Variants in ATG4B observed in about 807,000 individuals in gnomAD.
ATG4B encodes autophagy related 4B cysteine peptidase.
In ATG4B, 29 loss-of-function variants were observed where a neutral mutation model predicts 56.6. The observed-to-expected ratio is 0.51, with a 90% CI of 0.38 to 0.70. The LOEUF (loss-of-function observed/expected upper bound fraction) is 0.70, where lower values mean the gene tolerates loss of function less well. Among genes scored for constraint, ATG4B ranks in the 30% least tolerant of loss-of-function variants. The pLI is 0.00. For synonymous variants in ATG4B, 224 were observed against 206.1 expected, an observed-to-expected ratio of 1.09 and a Z score of -0.74; for missense variants, 461 against 515.5, an observed-to-expected ratio of 0.89 and a Z score of 1.02.
rs1439433195 is a variant in ATG4B at position 241,672,856 on chromosome 2, T to A, written c.*592T>A. 1 of 160,954 alleles carries A rather than the reference T, an allele frequency of 6.2e-6. No individual in the cohort carries two copies. Among genetic ancestry groups the A allele is most frequent in the African/African-American group, 2.4e-5 (1 of 41,548 alleles). 10.0% of individuals were successfully genotyped at this position (160,954 alleles called of 1,614,324 possible). A position where few individuals can be genotyped will look rare whatever the true frequency, so the allele number is the denominator to read the frequency against. ...AACGAAGGCGAGGTTCCTCCTTGCT[T>A]TGGGGAGAAAAGTATTCAGGAAGTG... is the stretch of plus-strand genomic sequence containing the variant. On this transcript the variant is annotated 3_prime_UTR_variant, in exon 13 of 13. Transcript: ENST00000404914.
Position 241,668,435 on chromosome 2 carries a change from G to T in ATG4B, c.812-105G>T. ...GCTCCCTCCCCACCTCCTGCCCACT[G>T]CTTCTCAGTGTGATGTGGGTGCAGT... On this transcript the variant is annotated intron_variant, in intron 9 of 12. Coordinates refer to ENST00000404914, the MANE Select transcript of ATG4B (RefSeq NM_013325.5). The surrounding 1 kb of genome is among the most constrained non-coding windows in gnomAD (Gnocchi z 4.2). 2.0e-6 allele frequency: 3 copies of T among 1,493,260 alleles called. No homozygotes were observed. Among genetic ancestry groups the T allele is most frequent in the Non-Finnish European group, 2.7e-6 (3 of 1,103,306 alleles). 92.5% of individuals were successfully genotyped at this position (1,493,260 alleles called of 1,614,324 possible).
chr2:241,656,857 G>A (rs1329851747), intron 6 of ATG4B, among the ~76,000 whole-genome samples: 1 of 152,286 alleles, frequency 6.6e-6, no homozygotes, highest in Non-Finnish European at 1.5e-5. Flanking sequence ...TCTGTCGCCA[G>A]GCTGGAGTGT....
At position 241,668,328 on chromosome 2, in the gene ATG4B, G is replaced by A. The variant is rs1177982999; in HGVS notation, c.811+107G>A. The A allele has an allele frequency of 3.7e-5, 52 of 1,416,740 alleles. No individual in the cohort carries two copies. Among genetic ancestry groups the A allele is most frequent in the Non-Finnish European group, 4.8e-5 (49 of 1,027,282 alleles). 87.8% of individuals were successfully genotyped at this position (1,416,740 alleles called of 1,614,324 possible). ...ACCACTTGAGGCCACTGGTGGAAAA[G>A]CAGCATGCCCTGGGGTTCATTTTCA... On this transcript the variant is annotated intron_variant, in intron 9 of 12. Transcript: ENST00000404914. The surrounding 1 kb of genome is among the most constrained non-coding windows in gnomAD (Gnocchi z 4.2).
At chr2:241,653,174 T>C (rs375015438) in intron 3 of ATG4B, 180 of 607,940 alleles carry the variant, frequency 3.0e-4, no homozygotes, top group African/African-American at 2.9e-3. Flanking sequence ...GCCTTTCTGA[T>C]AATTGGAAAA....
chr2:241,659,548 A>G (rs1211755065), intron 7 of ATG4B: 3 of 360,164 alleles, frequency 8.3e-6, no homozygotes, highest in South Asian at 4.2e-5. Context: ...AGATGTAGCA[A>G]CCATCTCTAG....
chr2:241,655,367 G>A (rs1471974893), intron 6 of ATG4B, 24 bp downstream of exon 6: 1 of 1,594,176 alleles, frequency 6.3e-7, no homozygotes, highest in East Asian at 2.3e-5. Flanking sequence ...TTCCACTGCT[G>A]AGCATGGGGC....
chr2:241,647,912 G>A (rs1372445996), intron 1 of ATG4B, among the ~76,000 whole-genome samples: 2 of 151,892 alleles, frequency 1.3e-5, no homozygotes, highest in Non-Finnish European at 2.9e-5. Context: ...TCAGGAGATC[G>A]AGACCAGCCT....
At position 241,637,705 on chromosome 2, in the gene ATG4B, G is replaced by A. The variant is rs1459520063; in HGVS notation, c.-10G>A. On this transcript the variant is annotated 5_prime_UTR_variant, in exon 1 of 13. Coordinates refer to ENST00000404914, the MANE Select transcript of ATG4B (RefSeq NM_013325.5). ...CGCCGCTCGGGTCAGTCGGCGGCCGGACTGGGAAGATGGACGCAGGTGAGG... is the reference window on the plus strand; with the variant it reads ...CGCCGCTCGGGTCAGTCGGCGGCCGAACTGGGAAGATGGACGCAGGTGAGG... The A allele has an allele frequency of 6.3e-7, 1 of 1,583,886 alleles. No individual in the cohort carries two copies. The highest frequency in any genetic ancestry group is 1.4e-5 in the African/African-American group (1 of 71,050).
At position 241,673,537 on chromosome 2, in the gene ATG4B, C is replaced by T; in HGVS notation, c.*1273C>T. 2.2e-6 allele frequency: 1 copy of T among 452,892 alleles called. No homozygotes were observed. The highest frequency in any genetic ancestry group is 2.4e-5 in the Admixed American group (1 of 42,518). 28.1% of individuals were successfully genotyped at this position (452,892 alleles called of 1,614,324 possible). A position where few individuals can be genotyped will look rare whatever the true frequency, so the allele number is the denominator to read the frequency against. ...GCGCCGGACAGTCGGCACTGACCGGCCCACCTGGTAGCAGAGGACACCCCC... is the reference window on the plus strand; with the variant it reads ...GCGCCGGACAGTCGGCACTGACCGGTCCACCTGGTAGCAGAGGACACCCCC... On this transcript the variant is annotated 3_prime_UTR_variant, in exon 13 of 13. Coordinates refer to ENST00000404914, the MANE Select transcript of ATG4B (RefSeq NM_013325.5).
At chr2:241,672,107 A>T (rs1326577155) in intron 12 of ATG4B, 84 bp from the exon 13 acceptor site, 78 of 1,531,414 alleles carry the variant, frequency 5.1e-5, no homozygotes, top group Non-Finnish European at 6.8e-5. Context: ...GGCACTGCTC[A>T]GTCTGCCCCA....
intron 1 of ATG4B, among the ~76,000 whole-genome samples, chr2:241,649,020 G>A (rs1199562696): frequency 6.6e-6 from 1 of 152,172 alleles, no homozygotes; most frequent in Non-Finnish European, 1.5e-5. Context: ...TCATTGAAAC[G>A]TCACACCCAT....
intron 1 of ATG4B, among the ~76,000 whole-genome samples, chr2:241,648,622 G>T (rs948455588): frequency 6.6e-5 from 10 of 151,494 alleles, no homozygotes; most frequent in African/African-American, 2.4e-4. Flanking sequence ...AAAAACAGGA[G>T]CAGAGCTCTT....
At chr2:241,641,321 T>C (rs1338213259) in intron 1 of ATG4B, among the ~76,000 whole-genome samples, 2 of 151,982 alleles carry the variant, frequency 1.3e-5, no homozygotes, top group East Asian at 1.9e-4. Flanking sequence ...GAGGCCGAGG[T>C]GGGCGGATCA....
At chr2:241,661,512 A>G (rs1354920933) in intron 7 of ATG4B, among the ~76,000 whole-genome samples, 1 of 152,186 alleles carries the variant, frequency 6.6e-6, no homozygotes, top group Non-Finnish European at 1.5e-5. Flanking sequence ...GAAGTCCGCA[A>G]AGCCGAAGCT....
At position 241,651,102 on chromosome 2, in the gene ATG4B, A is replaced by C; in HGVS notation, c.103A>C (p.Ile35Leu). 3.7e-6 allele frequency: 6 copies of C among 1,613,202 alleles called. No individual in the cohort carries two copies. The highest frequency in any genetic ancestry group is 5.1e-6 in the Non-Finnish European group (6 of 1,179,562). ...PVWILGRKYS[I>L]FTEKDEILSD... ...TTGGATACTGGGTAGAAAATACAGC[A>C]TTTTCACAGGTATCGGCCATGCTGG... The change falls in exon 2 of 13, where the codon ATT (isoleucine) becomes CTT (leucine). Residue 35 changes from isoleucine to leucine, a missense_variant. Physicochemically the swap from Ile to Leu is conservative, Grantham distance 5. Coordinates refer to ENST00000404914, the MANE Select transcript of ATG4B (RefSeq NM_013325.5). This position sits in a 1 kb window ranked among gnomAD's most constrained non-coding sequence, Gnocchi z 4.1.
intron 7 of ATG4B, 73 bp from the exon 8 acceptor site, chr2:241,666,572 C>T: frequency 6.7e-7 from 1 of 1,483,574 alleles, no homozygotes; most frequent in East Asian, 2.3e-5. Context: ...ACACAGTCAT[C>T]ATTTGCTTGC....
Position 241,642,871 on chromosome 2 carries a change from C to CTTTTTTTTTTTTTTTTTTTTTTTT in ATG4B, c.10+5147_10+5148insTTTTTTTTTTTTTTTTTTTTTTTT, listed in dbSNP as rs1321613822. On this transcript the variant is annotated intron_variant, in intron 1 of 12. Coordinates refer to ENST00000404914, the MANE Select transcript of ATG4B (RefSeq NM_013325.5). ...CTTAAGGTGTACAGCACCTCTCCGT[C>CTTTTTTTTTTTTTTTTTTTTTTTT]CTTTTTTTTTTTTTTTTTTTTTTTT... Among the ~76,000 whole-genome samples, 20 of 98,428 alleles carry CTTTTTTTTTTTTTTTTTTTTTTTT rather than the reference C, an allele frequency of 2.0e-4. 8 individuals carry two copies. The highest frequency in any genetic ancestry group is 1.9e-3 in the East Asian group (5 of 2,668). 64.6% of individuals were successfully genotyped at this position (98,428 alleles called of 152,430 possible).
chr2:241,670,176 G>A (rs1056566595), intron 10 of ATG4B, among the ~76,000 whole-genome samples: 36 of 152,326 alleles, frequency 2.4e-4, no homozygotes, highest in African/African-American at 7.9e-4. Context: ...ATCTGGCAGC[G>A]TTGAGAATTC....
At chr2:241,646,976 A>T (rs907309779) in intron 1 of ATG4B, among the ~76,000 whole-genome samples, 1 of 151,740 alleles carries the variant, frequency 6.6e-6, no homozygotes, top group East Asian at 2.0e-4. Flanking sequence ...TAGAGATGGG[A>T]TTTCACCATG....
Sources: allele counts gnomAD v4.1 joint callset (sites outside exome capture counted in the v4.1 genomes callset), GRCh38; gene constraint gnomAD v4.1.1; non-coding constraint Gnocchi (gnomAD v3.1); transcripts MANE v1.5; gene names NCBI Gene and HGNC (gene_info 2026-07-23, HGNC 2026-07-21).